The following DMXL2 variants were observed in gnomAD, a reference collection of about 807,000 sequenced individuals.
The protein encoded by DMXL2 is Dmx like 2.
Under a neutral mutation model 331.1 loss-of-function variants are expected in DMXL2, and 103 were observed. The observed-to-expected ratio is 0.31, with a 90% confidence interval of 0.27 to 0.37. The LOEUF (loss-of-function observed/expected upper bound fraction) is 0.37. DMXL2 is among the 10% of genes least tolerant of loss of function. DMXL2 has a pLI of 1.00. For synonymous variants in DMXL2, 1,281 were observed against 1,252.1 expected (o/e 1.02, Z -0.49); for missense variants, 3,171 against 3,642.9 (o/e 0.87, Z 3.33).
intron 1 of DMXL2, among the ~76,000 whole-genome samples, chr15:51,590,916 C>T (rs751117854): frequency 6.6e-6 from 1 of 151,840 alleles, no homozygotes; most frequent in Non-Finnish European, 1.5e-5. Flanking sequence ...TTTGTAAAGG[C>T]TTGAGATTCT....
At chr15:51,593,688 A>C (rs2052571625) in intron 1 of DMXL2, among the ~76,000 whole-genome samples, 1 of 152,220 alleles carries the variant, frequency 6.6e-6, no homozygotes, top group Non-Finnish European at 1.5e-5. Flanking sequence ...CAGCAAATGG[A>C]AAAGAACAGA....
chr15:51,458,401 A>C, intron 36 of DMXL2, 105 bp downstream of exon 36: 1 of 1,236,664 alleles, frequency 8.1e-7, no homozygotes, highest in Non-Finnish European at 1.1e-6. Flanking sequence ...TACCCAAATG[A>C]AGGAGATACA....
intron 13 of DMXL2, 116 bp downstream of exon 13, chr15:51,535,547 G>T: frequency 1.1e-6 from 1 of 933,004 alleles, no homozygotes; most frequent in Non-Finnish European, 1.6e-6. Flanking sequence ...GTCATATGCA[G>T]CCCAGAACAT....
At chr15:51,536,890 G>A (rs573041734) in intron 11 of DMXL2, 28 bp from the exon 12 acceptor site, 3 of 1,526,854 alleles carry the variant, frequency 2.0e-6, no homozygotes, top group East Asian at 4.5e-5. Context: ...ATGATTCAGT[G>A]CAAATAGTTT....
At position 51,453,769 on chromosome 15, in the gene DMXL2, A is replaced by G. The variant is rs2039368973; in HGVS notation, c.8605-128T>C. Reference sequence around the variant, plus strand: ...AAAATAGTTTTTAAAAACTCGGTCTAGGATAAAAGAATAAGTGATAGTATG... The same window carrying G: ...AAAATAGTTTTTAAAAACTCGGTCTGGGATAAAAGAATAAGTGATAGTATG... On this transcript the variant is annotated intron_variant, in intron 40 of 43. Transcript: ENST00000560891. 8 of 694,042 alleles carry G rather than the reference A, an allele frequency of 1.2e-5. No individual in the cohort carries two copies. In the South Asian group the frequency reaches 1.3e-4, roughly 11 times the overall value. The allele number at this position is 694,042 out of a possible 1,614,324, so 43.0% of individuals were successfully genotyped here.
rs192703826 is a variant in DMXL2, at chr15:51,605,909, T to C, written c.87+16550A>G. ...AAAGAGCTAAAAAAATAAAAAATACTGTGAGGAATTAGTGGGCCAAAATCT... is the reference window on the plus strand; with the variant it reads ...AAAGAGCTAAAAAAATAAAAAATACCGTGAGGAATTAGTGGGCCAAAATCT... On this transcript the variant is annotated intron_variant, in intron 1 of 43. Coordinates refer to ENST00000560891, the MANE Select transcript of DMXL2 (RefSeq NM_001378457.1). Among the ~76,000 whole-genome samples, 8 of 152,270 alleles carry C rather than the reference T, an allele frequency of 5.3e-5. No homozygotes were observed. The East Asian group carries it at 1.2e-3, about 22-fold the overall frequency.
intron 13 of DMXL2, among the ~76,000 whole-genome samples, chr15:51,521,154 G>T (rs1032201267): frequency 6.6e-6 from 1 of 152,058 alleles, no homozygotes. Context: ...AAACACAGCT[G>T]GCTCTTGAGT....
Position 51,453,603 on chromosome 15 carries a change from T to C in DMXL2, c.8643A>G (p.Ala2881=). The change falls in exon 41 of 44, where the codon GCA becomes GCG. Residue 2881 remains alanine, a synonymous_variant. Coordinates refer to ENST00000560891, the MANE Select transcript of DMXL2 (RefSeq NM_001378457.1). Reference sequence around the variant, plus strand: ...CAACTAGACTTGAAGAGGTAATAAATGCAAAGTCACTTGTGGCTTTACTGT... The same window carrying C: ...CAACTAGACTTGAAGAGGTAATAAACGCAAAGTCACTTGTGGCTTTACTGT... The part of the protein sequence containing the change: ...QCHSKATSDF[A]FITSSSLVAT... The C allele has an allele frequency of 6.2e-7, 1 of 1,613,878 alleles. No individual in the cohort carries two copies. The highest frequency in any genetic ancestry group is 1.1e-5 in the South Asian group (1 of 91,058).
intron 6 of DMXL2, among the ~76,000 whole-genome samples, chr15:51,556,292 G>A (rs1361826753): frequency 2.8e-5 from 4 of 145,252 alleles, no homozygotes; most frequent in African/African-American, 5.1e-5. Flanking sequence ...GCAGTGAGCC[G>A]AGATCGCGCC....
intron 17 of DMXL2, among the ~76,000 whole-genome samples, chr15:51,502,502 T>C (rs2043739609): frequency 6.6e-6 from 1 of 152,042 alleles, no homozygotes; most frequent in Non-Finnish European, 1.5e-5. Context: ...TGTGTATTTT[T>C]AGTACAGACA....
intron 1 of DMXL2, among the ~76,000 whole-genome samples, chr15:51,613,436 G>T (rs1375810520): frequency 6.6e-6 from 1 of 152,136 alleles, no homozygotes; most frequent in African/African-American, 2.4e-5. Context: ...TTGACTTCCT[G>T]CAACATAACA....
intron 9 of DMXL2, among the ~76,000 whole-genome samples, chr15:51,541,555 G>A (rs191092982): frequency 6.6e-6 from 1 of 152,058 alleles, no homozygotes; most frequent in African/African-American, 2.4e-5. Context: ...TACCACTGCA[G>A]ATCACCCTTT....
intron 13 of DMXL2, among the ~76,000 whole-genome samples, chr15:51,517,440 C>T (rs1019838482): frequency 6.6e-6 from 1 of 152,222 alleles, no homozygotes; most frequent in Non-Finnish European, 1.5e-5. Flanking sequence ...CCAAGACAGA[C>T]ATGGCTGAAG....
At chr15:51,457,592 A>C in intron 36 of DMXL2, 126 bp from the exon 37 acceptor site, 1 of 1,143,990 alleles carries the variant, frequency 8.7e-7, no homozygotes, top group Non-Finnish European at 1.2e-6. Flanking sequence ...CATGAGAAAA[A>C]CTTAGGTACA....
Position 51,612,874 on chromosome 15 carries a change from C to T in DMXL2, c.87+9585G>A, listed in dbSNP as rs112169910. On this transcript the variant is annotated intron_variant, in intron 1 of 43. Coordinates refer to ENST00000560891, the MANE Select transcript of DMXL2 (RefSeq NM_001378457.1). ...GCTTATTTCATCCCCCATCTATGAC[C>T]GTAAAAGACAGCCAGCCCCAAAGCA... Among the ~76,000 whole-genome samples, 906 of 152,298 alleles carry T rather than the reference C, an allele frequency of 5.9e-3. 9 individuals are homozygous for T. The highest frequency in any genetic ancestry group is 0.02 in the African/African-American group (844 of 41,568).
At position 51,537,776 on chromosome 15, in the gene DMXL2, A is replaced by G; in HGVS notation, c.1346-17T>C. 1.9e-6 allele frequency: 3 copies of G among 1,604,576 alleles called. No individual in the cohort carries two copies. The highest frequency in any genetic ancestry group is 2.6e-6 in the Non-Finnish European group (3 of 1,174,904). ...GGGATAAATCTGAACCAGAAAATATATTTATCAATACAAGCATTAAATAAT... is the reference window on the plus strand; with the variant it reads ...GGGATAAATCTGAACCAGAAAATATGTTTATCAATACAAGCATTAAATAAT... On this transcript the variant is annotated splice_polypyrimidine_tract_variant and intron_variant, in intron 10 of 43. Coordinates refer to ENST00000560891, the MANE Select transcript of DMXL2 (RefSeq NM_001378457.1).
In DMXL2 at chr15:51,577,690, A is replaced by C. The variant is rs186000309; in HGVS notation, c.88-1509T>G. 4.9e-3 allele frequency among the ~76,000 whole-genome samples: 747 copies of C among 152,308 alleles called. 20 individuals carry two copies. The highest frequency in any genetic ancestry group is 0.034 in the Middle Eastern group (10 of 294). On this transcript the variant is annotated intron_variant, in intron 1 of 43. Transcript: ENST00000560891. ...AAAAATCATCTTACTCTTGAGGAAC[A>C]ATTTCAAAATTTCCAACGTGCCTTA...
intron 13 of DMXL2, among the ~76,000 whole-genome samples, chr15:51,528,016 C>T (rs2047778366): frequency 6.6e-6 from 1 of 152,048 alleles, no homozygotes; most frequent in East Asian, 1.9e-4. Flanking sequence ...TCATAATTAG[C>T]TTAAAATAAT....
rs2040298921 is a variant in DMXL2, at chr15:51,463,447, C to T, written c.7858G>A (p.Val2620Ile). The change falls in exon 33 of 44, where the codon GTT becomes ATT. Residue 2620 changes from valine (V) to isoleucine (I), a missense_variant. By Grantham distance (29) the Val-to-Ile change is conservative. This residue lies in a region of DMXL2 where 766 missense variants were observed against 940.5 expected (regional missense o/e 0.81). Coordinates refer to ENST00000560891, the MANE Select transcript of DMXL2 (RefSeq NM_001378457.1). ...GTCTCTTGAAGGACCTCTTGTTTAA[C>T]AAGGAAATGCCAAAGTCGTTTGACT... Reference protein sequence around the residue: ...FPVKRLWHFLVKQEVLQETFI... With the variant: ...FPVKRLWHFLIKQEVLQETFI... 6.2e-7 allele frequency: 1 copy of T among 1,600,670 alleles called. No homozygotes were observed. Among genetic ancestry groups the T allele is most frequent in the Non-Finnish European group, 8.5e-7 (1 of 1,175,828 alleles).
Sources: gnomAD v4.1 joint callset for allele counts (sites outside exome capture counted in the v4.1 genomes callset) on GRCh38, gnomAD v4.1.1 for gene constraint, gnomAD v4.1.1 regional missense constraint, MANE v1.5 for transcripts, NCBI Gene and HGNC (gene_info 2026-07-23, HGNC 2026-07-21) for gene names.